Variants in BACH2 observed in about 807,000 individuals in gnomAD.
BACH2 encodes the protein BACH transcriptional regulator 2.
A neutral mutation model predicts 61.8 loss-of-function variants in BACH2; 5 were observed. The observed-to-expected ratio is 0.08, with a 90% CI of 0.04 to 0.17. The LOEUF (loss-of-function observed/expected upper bound fraction) is 0.17. Among genes scored for constraint, BACH2 ranks in the 10% least tolerant of loss-of-function variants. BACH2 has a pLI of 1.00. For missense variants in BACH2, 824 were observed against 1,091.1 expected, an observed-to-expected ratio of 0.76 and a Z score of 3.45; for synonymous variants, 446 against 440.1, an observed-to-expected ratio of 1.01 and a Z score of -0.17.
chr6:89,958,236 C>A (rs1268317597), intron 6 of BACH2, among the ~76,000 whole-genome samples: 1 of 152,224 alleles, frequency 6.6e-6, no homozygotes, highest in Non-Finnish European at 1.5e-5. Context: ...CTGCCTCAGC[C>A]TCTCAAAGTG....
At chr6:90,221,571 T>C (rs1769735128) in intron 3 of BACH2, among the ~76,000 whole-genome samples, 1 of 152,194 alleles carries the variant, frequency 6.6e-6, no homozygotes, top group Non-Finnish European at 1.5e-5. Flanking sequence ...TTGAGGAGTC[T>C]ACTTAAGACG....
intron 3 of BACH2, among the ~76,000 whole-genome samples, chr6:90,239,798 TACACACACACACACAC>T (rs59169449): frequency 1.5e-3 from 199 of 132,296 alleles, no homozygotes; most frequent in African/African-American, 4.9e-3. Context: ...GGGGGGGGAA[TACACACACACACACAC>T]ACACACACAC....
chr6:90,085,766 G>A (rs1200897841), intron 5 of BACH2, among the ~76,000 whole-genome samples: 2 of 152,130 alleles, frequency 1.3e-5, no homozygotes, highest in Non-Finnish European at 2.9e-5. Context: ...TCCCTATCAA[G>A]CACTAGCTAG....
chr6:90,121,070 A>G (rs1480150388), intron 4 of BACH2, among the ~76,000 whole-genome samples: 2 of 152,248 alleles, frequency 1.3e-5, no homozygotes, highest in African/African-American at 2.4e-5. Context: ...ACTGTGTTGC[A>G]AGTGTCTTAA....
At chr6:90,214,235 T>A (rs1769452513) in intron 3 of BACH2, among the ~76,000 whole-genome samples, 1 of 152,192 alleles carries the variant, frequency 6.6e-6, no homozygotes, top group South Asian at 2.1e-4. Flanking sequence ...GAAGGCTGAA[T>A]TATATTCATC....
Position 90,206,575 on chromosome 6 carries a change from C to T in BACH2, c.-168G>A, listed in dbSNP as rs1398528475. On this transcript the variant is annotated 5_prime_UTR_variant, in exon 4 of 9. The change abolishes an upstream ATG in the 5' untranslated region. Coordinates refer to ENST00000257749, the MANE Select transcript of BACH2 (RefSeq NM_021813.4). The stretch of plus-strand genomic sequence containing the variant: ...TCCTCAAAGTACCTCTTACCTTGTT[C>T]ATGCTGCAGGGATGGGAGCAAGGGA... 1 of 152,404 alleles carries T rather than the reference C, an allele frequency of 6.6e-6. No homozygotes were observed. The highest frequency in any genetic ancestry group is 1.9e-4 in the East Asian group (1 of 5,338). 9.4% of individuals were successfully genotyped at this position (152,404 alleles called of 1,614,324 possible).
intron 4 of BACH2, among the ~76,000 whole-genome samples, chr6:90,107,810 C>T (rs1307101897): frequency 1.3e-5 from 2 of 151,968 alleles, no homozygotes; most frequent in Non-Finnish European, 2.9e-5. Context: ...CAAAGGAGCA[C>T]ATGAAAGAGA....
At position 90,210,230 on chromosome 6, in the gene BACH2, G is replaced by C. The variant is rs150515616; in HGVS notation, c.-274-3549C>G. On this transcript the variant is annotated intron_variant, in intron 3 of 8. Coordinates refer to ENST00000257749, the MANE Select transcript of BACH2 (RefSeq NM_021813.4). ...ATAAGCAATAGACCCTGGACTAGAAGTGACTTCATTTCAAGACGCTATGGA... is the reference window on the plus strand; with the variant it reads ...ATAAGCAATAGACCCTGGACTAGAACTGACTTCATTTCAAGACGCTATGGA... 5.9e-5 allele frequency among the ~76,000 whole-genome samples: 9 copies of C among 151,854 alleles called. 1 individual carries two copies. The East Asian group carries it at 1.4e-3, about 23-fold the overall frequency.
chr6:90,062,533 G>A (rs1028983893), intron 5 of BACH2, among the ~76,000 whole-genome samples: 1 of 152,130 alleles, frequency 6.6e-6, no homozygotes, highest in African/African-American at 2.4e-5. Flanking sequence ...CTGTCACAAT[G>A]CCACGTATTT....
chr6:90,087,867 C>A (rs2127807163), intron 5 of BACH2, among the ~76,000 whole-genome samples: 1 of 152,118 alleles, frequency 6.6e-6, no homozygotes, highest in East Asian at 1.9e-4. Flanking sequence ...AAGCATTTAT[C>A]CTTTGAGTTA....
At chr6:90,072,353 G>A (rs2127801895) in intron 5 of BACH2, among the ~76,000 whole-genome samples, 1 of 152,316 alleles carries the variant, frequency 6.6e-6, no homozygotes, top group East Asian at 1.9e-4. Flanking sequence ...CAGGGCCACA[G>A]GCTGGACCAC....
intron 7 of BACH2, among the ~76,000 whole-genome samples, chr6:89,939,350 T>C (rs1472999672): frequency 6.6e-6 from 1 of 152,232 alleles, no homozygotes; most frequent in East Asian, 1.9e-4. Context: ...CTTCACCTTA[T>C]GAGAGATCTT....
intron 5 of BACH2, among the ~76,000 whole-genome samples, chr6:90,018,497 T>C (rs1173289544): frequency 2.0e-5 from 3 of 152,206 alleles, no homozygotes; most frequent in African/African-American, 7.2e-5. Context: ...AAAATCATTA[T>C]TTCATATATT....
In BACH2 at chr6:89,947,092, G is replaced by A. The variant is rs4628060; in HGVS notation, c.1836+3178C>T. Among the ~76,000 whole-genome samples, 508 of 152,270 alleles carry A rather than the reference G, an allele frequency of 3.3e-3. 1 individual carries two copies. The highest frequency in any genetic ancestry group is 5.6e-3 in the African/African-American group (233 of 41,564). The stretch of plus-strand genomic sequence containing the variant: ...AACACACGCGAAGTATTACACTGGC[G>A]TCTGGCAAGGGGTGGAAACTCCTGT... On this transcript the variant is annotated intron_variant, in intron 7 of 8. Transcript: ENST00000257749.
At chr6:89,974,276 T>C (rs1212561016) in intron 6 of BACH2, among the ~76,000 whole-genome samples, 1 of 152,150 alleles carries the variant, frequency 6.6e-6, no homozygotes, top group Non-Finnish European at 1.5e-5. Context: ...CCTGCTCCAG[T>C]TTCCTCACCT....
intron 4 of BACH2, among the ~76,000 whole-genome samples, chr6:90,179,068 C>A (rs180798216): frequency 9.6e-4 from 146 of 152,218 alleles, no homozygotes; most frequent in Non-Finnish European, 1.8e-3. Flanking sequence ...ACATGAACTG[C>A]CCCGAATCAC....
intron 4 of BACH2, among the ~76,000 whole-genome samples, chr6:90,094,392 C>T (rs1041025808): frequency 2.0e-5 from 3 of 152,208 alleles, no homozygotes; most frequent in African/African-American, 7.2e-5. Context: ...TTTCTATTTA[C>T]ATTACAAATC....
At position 89,938,040 on chromosome 6, in the gene BACH2, G is replaced by C. The variant is rs182382; in HGVS notation, c.2043+104C>G. Reference sequence around the variant, plus strand: ...TCTTAAAAAATAAACCCAAACTTCCGCAAAGGGTGACCCTTCTGTCTACTT... The same window carrying C: ...TCTTAAAAAATAAACCCAAACTTCCCCAAAGGGTGACCCTTCTGTCTACTT... On this transcript the variant is annotated intron_variant, in intron 8 of 8. Coordinates refer to ENST00000257749, the MANE Select transcript of BACH2 (RefSeq NM_021813.4). 707,304 of 1,108,568 alleles carry C rather than the reference G, an allele frequency of 0.64. 229,794 individuals are homozygous for C. Among genetic ancestry groups the C allele is most frequent in the Non-Finnish European group, 0.67 (507,218 of 759,028 alleles). The allele number at this position is 1,108,568 out of a possible 1,614,324, so 68.7% of individuals were successfully genotyped here. A position where few individuals can be genotyped will look rare whatever the true frequency, so the allele number is the denominator to read the frequency against.
chr6:89,990,773 G>T (rs1291760864), intron 6 of BACH2, among the ~76,000 whole-genome samples: 1 of 152,070 alleles, frequency 6.6e-6, no homozygotes, highest in Non-Finnish European at 1.5e-5. Context: ...CTCTTAAGTT[G>T]CTGATCACTA....
Sources: allele counts gnomAD v4.1 joint callset (sites outside exome capture counted in the v4.1 genomes callset), GRCh38; gene constraint gnomAD v4.1.1; transcripts MANE v1.5; gene names NCBI Gene and HGNC (gene_info 2026-07-23, HGNC 2026-07-21).